TRAF5: variants seen among roughly 807,000 people sequenced by gnomAD.
TRAF5 encodes the protein TNF receptor-associated factor 5.
Under a neutral mutation model 64.5 loss-of-function variants are expected in TRAF5, and 48 were observed. That is an observed-to-expected ratio of 0.74 (90% CI 0.59 to 0.95). TRAF5 has a LOEUF of 0.95. TRAF5 is among the 40% of genes least tolerant of loss of function. TRAF5 has a pLI of 0.00. For missense variants in TRAF5, 545 were observed against 662.8 expected, an observed-to-expected ratio of 0.82 and a Z score of 1.95; for synonymous variants, 206 against 240.5, an observed-to-expected ratio of 0.86 and a Z score of 1.33.
rs2102781182 is a variant in TRAF5 at position 211,374,802 on chromosome 1, G to A, written c.*2100G>A. On this transcript the variant is annotated 3_prime_UTR_variant, in exon 11 of 11. Transcript: ENST00000261464. ...GAATTTGTCAAAATGCTGGTTTTGT[G>A]TTTTATCCAACTTTTGTGCATATAT... is the stretch of plus-strand genomic sequence containing the variant. The A allele has an allele frequency of 6.6e-6, 1 of 152,314 alleles. No individual in the cohort carries two copies. Among genetic ancestry groups the A allele is most frequent in the Admixed American group, 6.5e-5 (1 of 15,298 alleles). The allele number at this position is 152,314 out of a possible 1,614,324, so 9.4% of individuals were successfully genotyped here.
At chr1:211,344,808 G>A (rs888452192) in intron 1 of TRAF5, among the ~76,000 whole-genome samples, 1 of 152,038 alleles carries the variant, frequency 6.6e-6, no homozygotes, top group Admixed American at 6.6e-5. Context: ...GTGCAGTGGC[G>A]TGAACAATGA....
chr1:211,370,776 A>C (rs749032318), intron 9 of TRAF5, among the ~76,000 whole-genome samples: 2 of 152,196 alleles, frequency 1.3e-5, no homozygotes, highest in Non-Finnish European at 2.9e-5. Flanking sequence ...TATTGTACAC[A>C]CATAGGAAAA....
At chr1:211,327,255 C>A (rs1332571015) in intron 1 of TRAF5, among the ~76,000 whole-genome samples, 2 of 152,142 alleles carry the variant, frequency 1.3e-5, no homozygotes, top group African/African-American at 4.8e-5. Flanking sequence ...CGTCGGGGTG[C>A]ACTGGCGGGG....
intron 1 of TRAF5, among the ~76,000 whole-genome samples, chr1:211,335,783 G>A (rs1330306830): frequency 6.6e-6 from 1 of 152,192 alleles, no homozygotes; most frequent in African/African-American, 2.4e-5. Context: ...AAGGGGGAAA[G>A]GTTCTCTGTT....
chr1:211,346,646 G>T (rs187765458), intron 1 of TRAF5, among the ~76,000 whole-genome samples: 1 of 152,186 alleles, frequency 6.6e-6, no homozygotes, highest in South Asian at 2.1e-4. Flanking sequence ...TATGGAGGTG[G>T]TATGGATAGA....
Position 211,372,733 on chromosome 1 carries a change from T to G in TRAF5, c.*31T>G. ...GTTATGGGGTGATAAGAGGACTTCT[T>G]GGGGCCAGAACTGTGGAGGAGAGCA... On this transcript the variant is annotated 3_prime_UTR_variant, in exon 11 of 11. Transcript: ENST00000261464. 6.3e-7 allele frequency: 1 copy of G among 1,590,710 alleles called. No homozygotes were observed. Among genetic ancestry groups the G allele is most frequent in the Non-Finnish European group, 8.6e-7 (1 of 1,161,098 alleles).
At position 211,371,481 on chromosome 1, in the gene TRAF5, T is replaced by C; in HGVS notation, c.1099+11T>C. On this transcript the variant is annotated intron_variant, in intron 10 of 10. Coordinates refer to ENST00000261464, the MANE Select transcript of TRAF5 (RefSeq NM_001033910.3). ...ATGATCAAAGATTAGGTATGTCTGA[T>C]ATTTTATTTCTCTTTTGGTGACTCA... is the stretch of plus-strand genomic sequence containing the variant. The C allele has an allele frequency of 6.2e-7, 1 of 1,601,092 alleles. No homozygotes were observed.
intron 1 of TRAF5, among the ~76,000 whole-genome samples, chr1:211,335,111 C>T (rs977539175): frequency 2.6e-5 from 4 of 152,290 alleles, no homozygotes; most frequent in African/African-American, 9.6e-5. Flanking sequence ...TTCCATCCCC[C>T]ATAATCGAGC....
At position 211,346,410 on chromosome 1, in the gene TRAF5, G is replaced by A; in HGVS notation, c.-1-6829G>A. The A allele has an allele frequency of 4.1e-6, 4 of 985,380 alleles. 1 individual carries two copies. Among genetic ancestry groups the A allele is most frequent in the South Asian group, 4.7e-5 (1 of 21,280 alleles). 61.0% of individuals were successfully genotyped at this position (985,380 alleles called of 1,614,324 possible). A position where few individuals can be genotyped will look rare whatever the true frequency, so the allele number is the denominator to read the frequency against. On this transcript the variant is annotated intron_variant, in intron 1 of 10. Coordinates refer to ENST00000261464, the MANE Select transcript of TRAF5 (RefSeq NM_001033910.3). ...GTGGGCTGTGGGGTGTCCTGCTCAC[G>A]GTTTCATGGATGGTGAGTGGCAGAG...
chr1:211,357,315 T>C (rs186263454), intron 4 of TRAF5: 2 of 152,374 alleles, frequency 1.3e-5, no homozygotes, highest in East Asian at 3.9e-4. Flanking sequence ...GGACTGAGCT[T>C]ATAAATGTGT....
chr1:211,360,009 C>T lies in TRAF5; in HGVS notation c.476C>T (p.Ala159Val), dbSNP rs760636610. 10 of 1,614,000 alleles carry T rather than the reference C, an allele frequency of 6.2e-6. No homozygotes were observed. Among genetic ancestry groups the T allele is most frequent in the Non-Finnish European group, 6.8e-6 (8 of 1,179,984 alleles). Residue 159 changes from alanine to valine, a missense_variant, in exon 5 of 11, where the codon GCA becomes GTA. By Grantham distance (64) the Ala-to-Val change is moderately conservative. Coordinates refer to ENST00000261464, the MANE Select transcript of TRAF5 (RefSeq NM_001033910.3). Reference protein sequence around the residue: ...LRKDLKEHLSASCQFRKEKCL... With the variant: ...LRKDLKEHLSVSCQFRKEKCL... ...AAAGACCTGAAAGAGCATTTGAGTG[C>T]ATCCTGTCAGTTTCGAAAGGAAAAA...
chr1:211,368,517 A>C (rs1418050962), intron 8 of TRAF5, among the ~76,000 whole-genome samples: 2 of 152,194 alleles, frequency 1.3e-5, no homozygotes, highest in African/African-American at 4.8e-5. Flanking sequence ...TGGGGGTAGA[A>C]TGGGTAGAGC....
chr1:211,361,240 C>T (rs1703170356), intron 7 of TRAF5, 78 bp downstream of exon 7: 1 of 1,299,852 alleles, frequency 7.7e-7, no homozygotes, highest in Admixed American at 1.8e-5. Context: ...CTCTCTGTTC[C>T]ATCGAGGATG....
intron 4 of TRAF5, chr1:211,357,853 T>A (rs1369224933): frequency 6.6e-6 from 1 of 152,118 alleles, no homozygotes; most frequent in East Asian, 1.9e-4. Flanking sequence ...ATAATAATAA[T>A]AATCATCATC....
rs1703142763 is a variant in TRAF5, at chr1:211,360,593, C to A, written c.544-109C>A. On this transcript the variant is annotated intron_variant, in intron 5 of 10. Transcript: ENST00000261464. ...CTTTTTTGGAATTAGGCAATAACTT[C>A]CTGTAGAGAGTAAGCCACGTGACAT... is the stretch of plus-strand genomic sequence containing the variant. 6 of 804,840 alleles carry A rather than the reference C, an allele frequency of 7.5e-6. 1 individual carries two copies. The highest frequency in any genetic ancestry group is 3.2e-5 in the South Asian group (2 of 62,046). The allele number at this position is 804,840 out of a possible 1,614,324, so 49.9% of individuals were successfully genotyped here. A position where few individuals can be genotyped will look rare whatever the true frequency, so the allele number is the denominator to read the frequency against.
At chr1:211,335,181 T>C (rs936543861) in intron 1 of TRAF5, among the ~76,000 whole-genome samples, 5 of 152,192 alleles carry the variant, frequency 3.3e-5, no homozygotes, top group Non-Finnish European at 5.9e-5. Flanking sequence ...TGTGACATGG[T>C]GGCTTTGACA....
chr1:211,359,587 A>C (rs1413977139), intron 4 of TRAF5: 2 of 220,118 alleles, frequency 9.1e-6, no homozygotes, highest in Non-Finnish European at 1.8e-5. Flanking sequence ...ATATCCAAGA[A>C]CTAACCTGAG....
rs767077939 is a variant in TRAF5 at position 211,372,227 on chromosome 1, C to T, written c.1199C>T (p.Thr400Ile). Reference protein sequence around the residue: ...NEERFKLLEGTCYNGKLIWKV... With the variant: ...NEERFKLLEGICYNGKLIWKV... The stretch of plus-strand genomic sequence containing the variant: ...GAGCGATTTAAACTGCTGGAGGGTA[C>T]TTGCTATAATGGAAAGCTCATTTGG... The change falls in exon 11 of 11, where the codon ACT becomes ATT. Residue 400 changes from threonine to isoleucine, a missense_variant. By Grantham distance (89) the Thr-to-Ile change is moderately conservative (BLOSUM62 -1). Coordinates refer to ENST00000261464, the MANE Select transcript of TRAF5 (RefSeq NM_001033910.3). 6.2e-7 allele frequency: 1 copy of T among 1,613,634 alleles called. No individual in the cohort carries two copies. Among genetic ancestry groups the T allele is most frequent in the South Asian group, 1.1e-5 (1 of 91,068 alleles).
chr1:211,354,336 G>A (rs1235315084), intron 2 of TRAF5, 74 bp from the exon 3 acceptor site: 2 of 1,446,052 alleles, frequency 1.4e-6, no homozygotes, highest in Non-Finnish European at 1.9e-6. Context: ...CATGGCTGGA[G>A]CCCTGGGGCT....
Sources: gnomAD v4.1 joint callset for allele counts (sites outside exome capture counted in the v4.1 genomes callset) on GRCh38, gnomAD v4.1.1 for gene constraint, MANE v1.5 for transcripts, NCBI Gene and HGNC (gene_info 2026-07-23, HGNC 2026-07-21) for gene names.